Variants in AFAP1 observed in about 807,000 individuals in gnomAD.
AFAP1 encodes actin filament associated protein 1.
Under a neutral mutation model 93.9 loss-of-function variants are expected in AFAP1, and 75 were observed. That is an observed-to-expected ratio of 0.80 (90% CI 0.66 to 0.97). The LOEUF (loss-of-function observed/expected upper bound fraction) is 0.97. AFAP1 is among the 50% of genes least tolerant of loss of function. The pLI is 0.00. For synonymous variants in AFAP1, 517 were observed against 430.7 expected, an observed-to-expected ratio of 1.20 and a Z score of -2.48; for missense variants, 1,201 against 1,050.8, an observed-to-expected ratio of 1.14 and a Z score of -1.98.
At chr4:7,829,217 C>T (rs570234887) in intron 6 of AFAP1, among the ~76,000 whole-genome samples, 10 of 152,306 alleles carry the variant, frequency 6.6e-5, no homozygotes, top group African/African-American at 1.7e-4. Flanking sequence ...TTCTTCATAG[C>T]GGCATGAGAA....
intron 4 of AFAP1, among the ~76,000 whole-genome samples, chr4:7,853,172 C>A (rs1213611756): frequency 6.6e-6 from 1 of 151,630 alleles, no homozygotes; most frequent in Non-Finnish European, 1.5e-5. Context: ...TGATTCTGGG[C>A]TAGGGTGGCC....
At chr4:7,905,910 G>A (rs186564954) in intron 1 of AFAP1, among the ~76,000 whole-genome samples, 1 of 152,336 alleles carries the variant, frequency 6.6e-6, no homozygotes, top group East Asian at 1.9e-4. Flanking sequence ...CTCCATGCCG[G>A]GAAGAGCACC....
intron 2 of AFAP1, among the ~76,000 whole-genome samples, chr4:7,871,680 G>C (rs566789366): frequency 1.3e-5 from 2 of 152,146 alleles, no homozygotes; most frequent in Non-Finnish European, 2.9e-5. Flanking sequence ...GCCAAGTCCC[G>C]TGAGTCCTTC....
At chr4:7,843,599 G>C (rs887257532) in intron 4 of AFAP1, 6 of 431,248 alleles carry the variant, frequency 1.4e-5, no homozygotes, top group African/African-American at 1.0e-4. Context: ...TTTCTAGACT[G>C]TTTCATATGG....
At chr4:7,928,140 T>C (rs1452264005) in intron 1 of AFAP1, among the ~76,000 whole-genome samples, 3 of 152,142 alleles carry the variant, frequency 2.0e-5, no homozygotes, top group Admixed American at 2.0e-4. Flanking sequence ...TAGCAATGCA[T>C]TCTTCAACCG....
intron 16 of AFAP1, among the ~76,000 whole-genome samples, chr4:7,771,694 C>A (rs1577181946): frequency 6.6e-6 from 1 of 152,164 alleles, no homozygotes; most frequent in East Asian, 1.9e-4. Flanking sequence ...GCCTGTGTGA[C>A]CCCAGAGCCA....
chr4:7,900,590 C>G (rs960016248), intron 1 of AFAP1, among the ~76,000 whole-genome samples: 1 of 152,190 alleles, frequency 6.6e-6, no homozygotes, highest in Non-Finnish European at 1.5e-5. Context: ...CCCACGCCAG[C>G]GACTCCAAGT....
intron 6 of AFAP1, among the ~76,000 whole-genome samples, chr4:7,824,204 T>C (rs1721227427): frequency 6.6e-6 from 1 of 152,236 alleles, no homozygotes; most frequent in Non-Finnish European, 1.5e-5. Context: ...TCAATGTGTA[T>C]TTAAGAGAAC....
intron 1 of AFAP1, among the ~76,000 whole-genome samples, chr4:7,877,707 C>T (rs967321340): frequency 6.6e-6 from 1 of 152,158 alleles, no homozygotes; most frequent in Non-Finnish European, 1.5e-5. Flanking sequence ...ATAATAATTC[C>T]ACAGACTGTT....
At chr4:7,850,642 G>A (rs1008621225) in intron 4 of AFAP1, among the ~76,000 whole-genome samples, 7 of 152,214 alleles carry the variant, frequency 4.6e-5, no homozygotes, top group Admixed American at 2.0e-4. Flanking sequence ...GCCCATCTCC[G>A]AGGCCAGCAC....
intron 6 of AFAP1, among the ~76,000 whole-genome samples, chr4:7,831,770 C>T (rs1389848904): frequency 6.6e-6 from 1 of 152,106 alleles, no homozygotes; most frequent in Non-Finnish European, 1.5e-5. Context: ...AAGAGCTAAG[C>T]ACAGAACGCA....
intron 6 of AFAP1, among the ~76,000 whole-genome samples, chr4:7,821,087 C>T (rs564366967): frequency 2.7e-4 from 41 of 152,292 alleles, no homozygotes; most frequent in African/African-American, 9.9e-4. Flanking sequence ...CACTGCACTC[C>T]AGCCTGGGCG....
chr4:7,765,936 C>T (rs1714502219), intron 17 of AFAP1, among the ~76,000 whole-genome samples: 1 of 152,202 alleles, frequency 6.6e-6, no homozygotes, highest in African/African-American at 2.4e-5. Context: ...CTTCTCTGCG[C>T]CCGCCCAGTG....
chr4:7,854,523 C>T (rs965815993), intron 4 of AFAP1, among the ~76,000 whole-genome samples: 2 of 152,166 alleles, frequency 1.3e-5, no homozygotes, highest in African/African-American at 4.8e-5. Context: ...TAGCCGCGCT[C>T]GTAGACTGCC....
chr4:7,917,733 C>T (rs1412439518), intron 1 of AFAP1, among the ~76,000 whole-genome samples: 3 of 152,154 alleles, frequency 2.0e-5, no homozygotes, highest in Admixed American at 6.5e-5. Flanking sequence ...ATTGTGATCA[C>T]ATCAATCCCA....
At chr4:7,832,286 C>T (rs1048279388) in intron 6 of AFAP1, among the ~76,000 whole-genome samples, 4 of 151,660 alleles carry the variant, frequency 2.6e-5, no homozygotes, top group East Asian at 1.9e-4. Context: ...CTGAATCTCC[C>T]GTATGATACA....
intron 3 of AFAP1, among the ~76,000 whole-genome samples, chr4:7,866,415 T>A (rs1251448204): frequency 6.6e-6 from 1 of 151,520 alleles, no homozygotes; most frequent in African/African-American, 2.4e-5. Flanking sequence ...AGGCTAGTCT[T>A]GAACTCCTGA....
At chr4:7,928,461 C>A (rs1220146725) in intron 1 of AFAP1, among the ~76,000 whole-genome samples, 1 of 152,136 alleles carries the variant, frequency 6.6e-6, no homozygotes, top group Non-Finnish European at 1.5e-5. Context: ...CATCTCGGCT[C>A]ACTGCAACCT....
chr4:7,820,747 T>C (rs957943778), intron 6 of AFAP1, among the ~76,000 whole-genome samples: 18 of 151,916 alleles, frequency 1.2e-4, no homozygotes, highest in African/African-American at 3.9e-4. Flanking sequence ...AAAGGCAGAG[T>C]GAGGATGTGG....
Sources: gnomAD v4.1 joint callset for allele counts (sites outside exome capture counted in the v4.1 genomes callset) on GRCh38, gnomAD v4.1.1 for gene constraint, MANE v1.5 for transcripts, NCBI Gene and HGNC (gene_info 2026-07-23, HGNC 2026-07-21) for gene names.